The following NPSR1 variants were observed in gnomAD, a reference collection of about 807,000 sequenced individuals.
NPSR1 encodes neuropeptide S receptor 1.
A neutral mutation model predicts 46.9 loss-of-function variants in NPSR1; 48 were observed. The observed-to-expected ratio is 1.02, with a 90% CI of 0.81 to 1.30. The LOEUF is 1.30. Ranked by LOEUF, NPSR1 falls within the 50% of genes most tolerant of loss-of-function variation. NPSR1 has a pLI of 0.00. For synonymous variants in NPSR1, 176 were observed against 168.1 expected (o/e 1.05, Z -0.36); for missense variants, 450 against 449.5 (o/e 1.00, Z -0.01).
chr7:34,786,500 C>T (rs1220063176), intron 3 of NPSR1, among the ~76,000 whole-genome samples: 1 of 152,150 alleles, frequency 6.6e-6, no homozygotes, highest in South Asian at 2.1e-4. Flanking sequence ...CATTCACCTT[C>T]TCCCATAAAT....
intron 2 of NPSR1, among the ~76,000 whole-genome samples, chr7:34,689,515 G>A (rs1284272524): frequency 6.9e-6 from 1 of 145,248 alleles, no homozygotes; most frequent in East Asian, 2.1e-4. Flanking sequence ...TGAGGCAGGA[G>A]AATGGCATGA....
At chr7:34,779,689 T>A in intron 3 of NPSR1, 1 of 661,740 alleles carries the variant, frequency 1.5e-6, no homozygotes, top group Admixed American at 4.9e-5. Context: ...TCAGGGGAAA[T>A]TTTTAAAAAC....
chr7:34,847,845 A>T (rs1790794101), intron 7 of NPSR1, among the ~76,000 whole-genome samples: 1 of 152,220 alleles, frequency 6.6e-6, no homozygotes, highest in Non-Finnish European at 1.5e-5. Context: ...TCTCAAAATT[A>T]ACCATCACAC....
intron 2 of NPSR1, among the ~76,000 whole-genome samples, chr7:34,733,252 T>C (rs1487910388): frequency 6.6e-6 from 1 of 151,844 alleles, no homozygotes; most frequent in Non-Finnish European, 1.5e-5. Flanking sequence ...AAACCCCATC[T>C]CTACTAAAAA....
At chr7:34,847,515 G>A (rs1264103598) in intron 7 of NPSR1, among the ~76,000 whole-genome samples, 1 of 152,102 alleles carries the variant, frequency 6.6e-6, no homozygotes, top group African/African-American at 2.4e-5. Flanking sequence ...AATGGTGTAG[G>A]TTCTAGTCCA....
intron 2 of NPSR1, among the ~76,000 whole-genome samples, chr7:34,712,509 T>C (rs1011190715): frequency 1.3e-5 from 2 of 152,180 alleles, no homozygotes; most frequent in Non-Finnish European, 2.9e-5. Context: ...TTTTCTGTTG[T>C]GTGAAGGCAT....
intron 8 of NPSR1, among the ~76,000 whole-genome samples, chr7:34,874,309 G>T (rs1039095865): frequency 4.6e-5 from 7 of 152,178 alleles, no homozygotes; most frequent in Admixed American, 2.6e-4. Flanking sequence ...CTTCTTGTAA[G>T]AACTAAATTA....
intron 2 of NPSR1, among the ~76,000 whole-genome samples, chr7:34,703,145 G>A (rs1300805330): frequency 6.6e-6 from 1 of 152,146 alleles, no homozygotes; most frequent in African/African-American, 2.4e-5. Flanking sequence ...GGATCACGAG[G>A]TCAGGAGATC....
chr7:34,679,041 C>A (rs1472251239), intron 1 of NPSR1, among the ~76,000 whole-genome samples: 1 of 152,028 alleles, frequency 6.6e-6, no homozygotes, highest in African/African-American at 2.4e-5. Context: ...AGTGTGAAGT[C>A]AAATTTGAAT....
At chr7:34,672,857 C>T (rs1339183707) in intron 1 of NPSR1, among the ~76,000 whole-genome samples, 1 of 152,166 alleles carries the variant, frequency 6.6e-6, no homozygotes, top group African/African-American at 2.4e-5. Flanking sequence ...ATTCTTCTAA[C>T]TCCGGACAAT....
At chr7:34,818,002 C>G (rs551959037) in intron 4 of NPSR1, among the ~76,000 whole-genome samples, 8 of 151,978 alleles carry the variant, frequency 5.3e-5, no homozygotes, top group African/African-American at 1.9e-4. Flanking sequence ...CTTTGAAAAC[C>G]GGCACAAGAC....
At chr7:34,797,962 C>T (rs941282027) in intron 3 of NPSR1, among the ~76,000 whole-genome samples, 6 of 152,060 alleles carry the variant, frequency 3.9e-5, no homozygotes, top group African/African-American at 1.4e-4. Context: ...GAAATAAAGA[C>T]TTTCTCAGAC....
At chr7:34,674,923 G>T (rs149442353) in intron 1 of NPSR1, among the ~76,000 whole-genome samples, 1 of 152,220 alleles carries the variant, frequency 6.6e-6, no homozygotes, top group Non-Finnish European at 1.5e-5. Context: ...AGAAAATGAA[G>T]ATTTGTCTCC....
chr7:34,697,743 A>G (rs1377226237), intron 2 of NPSR1, among the ~76,000 whole-genome samples: 2 of 151,926 alleles, frequency 1.3e-5, no homozygotes, highest in African/African-American at 4.8e-5. Flanking sequence ...TGGAACCCAC[A>G]GATAAAAAGG....
intron 1 of NPSR1, among the ~76,000 whole-genome samples, chr7:34,678,873 G>T (rs1450921713): frequency 6.6e-6 from 1 of 151,742 alleles, no homozygotes; most frequent in African/African-American, 2.4e-5. Context: ...AAACTTCACT[G>T]TAAACAATGG....
chr7:34,830,455 A>T (rs952511884), intron 5 of NPSR1, among the ~76,000 whole-genome samples: 3 of 152,012 alleles, frequency 2.0e-5, no homozygotes, highest in African/African-American at 7.2e-5. Flanking sequence ...TGTTTTTTTT[A>T]AAGTACTTAT....
intron 4 of NPSR1, among the ~76,000 whole-genome samples, chr7:34,824,205 G>T (rs1320763451): frequency 2.6e-5 from 4 of 151,764 alleles, no homozygotes; most frequent in Non-Finnish European, 5.9e-5. Context: ...TTTCCTTTTC[G>T]CTTATTTTTA....
intron 1 of NPSR1, among the ~76,000 whole-genome samples, chr7:34,670,764 ATTGT>A (rs1294102072): frequency 6.6e-6 from 1 of 152,030 alleles, no homozygotes; most frequent in African/African-American, 2.4e-5. Flanking sequence ...GTGAAAAAAT[ATTGT>A]TTATTAGTGG....
At chr7:34,822,812 G>A (rs1355477757) in intron 4 of NPSR1, among the ~76,000 whole-genome samples, 2 of 151,958 alleles carry the variant, frequency 1.3e-5, no homozygotes, top group Non-Finnish European at 2.9e-5. Flanking sequence ...AGAATATTTG[G>A]GTAACACCTT....
Sources: gnomAD v4.1 joint callset for allele counts (sites outside exome capture counted in the v4.1 genomes callset) on GRCh38, gnomAD v4.1.1 for gene constraint, MANE v1.5 for transcripts, NCBI Gene and HGNC (gene_info 2026-07-23, HGNC 2026-07-21) for gene names.